The following MRPL42 variants were observed in gnomAD, a reference collection of about 807,000 sequenced individuals.
The protein encoded by MRPL42 is mitochondrial ribosomal protein L42.
MRPL42 carries 17 observed loss-of-function variants against 17.9 expected under a neutral mutation model. That is an observed-to-expected ratio of 0.95 (90% confidence interval 0.65 to 1.42). The LOEUF is 1.42. MRPL42 is among the 40% of genes most tolerant of loss of function. The pLI, the probability that MRPL42 is intolerant of heterozygous loss-of-function variation, is 0.00. For synonymous variants in MRPL42, 59 were observed against 54.4 expected, an observed-to-expected ratio of 1.08 and a Z score of -0.37; for missense variants, 177 against 175.2, an observed-to-expected ratio of 1.01 and a Z score of -0.06.
rs753787603 is a variant in MRPL42 at position 93,469,245 on chromosome 12, A to G, written c.-41A>G. The G allele has an allele frequency of 3.9e-6, 6 of 1,519,950 alleles. No homozygotes were observed. The South Asian group carries it at 6.0e-5, about 15-fold the overall frequency. The allele number at this position is 1,519,950 out of a possible 1,614,324, so 94.2% of individuals were successfully genotyped here. A position where few individuals can be genotyped will look rare whatever the true frequency, so the allele number is the denominator to read the frequency against. ...ATTCTAAAAGCAGTTTCTCTTCAGA[A>G]CATCTTTTTTCATACCACTTGATAA... On this transcript the variant is annotated 5_prime_UTR_variant, in exon 2 of 6. Transcript: ENST00000549982.
At chr12:93,489,856 A>G (rs892059209) in intron 5 of MRPL42, among the ~76,000 whole-genome samples, 4 of 152,138 alleles carry the variant, frequency 2.6e-5, no homozygotes, top group Non-Finnish European at 5.9e-5. Flanking sequence ...TTTAATACCC[A>G]CTTTGTTTAT....
At chr12:93,469,792 A>G (rs1408458341) in intron 2 of MRPL42, among the ~76,000 whole-genome samples, 1 of 152,200 alleles carries the variant, frequency 6.6e-6, no homozygotes, top group Non-Finnish European at 1.5e-5. Context: ...TCTTATTTGT[A>G]TGTTTAAAAG....
chr12:93,485,799 T>G (rs1221453312), intron 4 of MRPL42, among the ~76,000 whole-genome samples: 1 of 152,072 alleles, frequency 6.6e-6, no homozygotes, highest in Admixed American at 6.6e-5. Flanking sequence ...AGATAGTGAT[T>G]CCTTTTGTTT....
At chr12:93,490,273 T>C (rs1014998971) in intron 5 of MRPL42, among the ~76,000 whole-genome samples, 3 of 152,224 alleles carry the variant, frequency 2.0e-5, no homozygotes, top group South Asian at 2.1e-4. Flanking sequence ...TTTAATCTTA[T>C]TTACTTAATC....
At chr12:93,491,852 C>T (rs767325533) in intron 5 of MRPL42, among the ~76,000 whole-genome samples, 9 of 152,288 alleles carry the variant, frequency 5.9e-5, no homozygotes, top group Admixed American at 1.3e-4. Flanking sequence ...CCCACTTACA[C>T]GTGAGAACGT....
rs185771743 is a variant in MRPL42, at chr12:93,499,600, G to C, written c.384-1576G>C. 2.0e-4 allele frequency among the ~76,000 whole-genome samples: 30 copies of C among 152,008 alleles called. No individual in the cohort carries two copies. The East Asian group carries it at 4.8e-3, about 24-fold the overall frequency. ...ACCTTGATTATCTGGTATGTCAATG[G>C]AACCTTTTAGAAAAAAACAGAATTT... On this transcript the variant is annotated intron_variant, in intron 5 of 5. Transcript: ENST00000549982.
intron 5 of MRPL42, among the ~76,000 whole-genome samples, chr12:93,490,648 T>C (rs1323290489): frequency 1.3e-5 from 2 of 152,230 alleles, no homozygotes; most frequent in Non-Finnish European, 2.9e-5. Flanking sequence ...TGTCTGTCTA[T>C]CTGTCCATCT....
chr12:93,481,925 A>G (rs1486292145), intron 4 of MRPL42, among the ~76,000 whole-genome samples: 1 of 152,104 alleles, frequency 6.6e-6, no homozygotes, highest in Non-Finnish European at 1.5e-5. Flanking sequence ...GACTGATATC[A>G]TGGTTTATCA....
At chr12:93,492,487 G>C (rs981847366) in intron 5 of MRPL42, among the ~76,000 whole-genome samples, 1 of 151,998 alleles carries the variant, frequency 6.6e-6, no homozygotes, top group Non-Finnish European at 1.5e-5. Context: ...ATTTTTGCTT[G>C]TTGATTTAAG....
intron 5 of MRPL42, among the ~76,000 whole-genome samples, chr12:93,497,793 C>G (rs901773760): frequency 6.6e-6 from 1 of 151,584 alleles, no homozygotes; most frequent in Non-Finnish European, 1.5e-5. Context: ...CAAATAATCT[C>G]TCTTCACTGG....
rs1471162623 is a variant in MRPL42 at position 93,512,612 on chromosome 12, G to A, written c.*11391G>A. 1 of 152,454 alleles carries A rather than the reference G, an allele frequency of 6.6e-6. No individual in the cohort carries two copies. Among genetic ancestry groups the A allele is most frequent in the East Asian group, 1.9e-4 (1 of 5,202 alleles). 9.4% of individuals were successfully genotyped at this position (152,454 alleles called of 1,614,324 possible). On this transcript the variant is annotated 3_prime_UTR_variant, in exon 6 of 6. Transcript: ENST00000549982. ...TTTTAATGGCAGATAAAATCAAAGA[G>A]CAAAAGCAAAAGGTAGAAGCTTGAA... is the stretch of plus-strand genomic sequence containing the variant.
In MRPL42 at chr12:93,506,718, C is replaced by G. The variant is rs1432200396; in HGVS notation, c.*5497C>G. 1 of 152,174 alleles carries G rather than the reference C, an allele frequency of 6.6e-6. No homozygotes were observed. Among genetic ancestry groups the G allele is most frequent in the African/African-American group, 2.4e-5 (1 of 41,436 alleles). The allele number at this position is 152,174 out of a possible 1,614,324, so 9.4% of individuals were successfully genotyped here. A position where few individuals can be genotyped will look rare whatever the true frequency, so the allele number is the denominator to read the frequency against. The stretch of plus-strand genomic sequence containing the variant: ...TTGCTATGACCATCCCTTCTTTCCC[C>G]TCTAGTCAAAATTAGTCTCTTCTTC... On this transcript the variant is annotated 3_prime_UTR_variant, in exon 6 of 6. Coordinates refer to ENST00000549982, the MANE Select transcript of MRPL42 (RefSeq NM_014050.4).
At chr12:93,467,947 C>T (rs1262081416) in intron 1 of MRPL42, among the ~76,000 whole-genome samples, 2 of 152,138 alleles carry the variant, frequency 1.3e-5, no homozygotes, top group East Asian at 1.9e-4. Context: ...AATCTGACTC[C>T]CAGCAGGGCG....
Position 93,487,662 on chromosome 12 carries a change from T to C in MRPL42, c.383+2T>C, listed in dbSNP as rs764311700. 6.3e-7 allele frequency: 1 copy of C among 1,596,772 alleles called. No individual in the cohort carries two copies. The highest frequency in any genetic ancestry group is 8.5e-7 in the Non-Finnish European group (1 of 1,172,158). On this transcript the variant is annotated splice_donor_variant, in intron 5 of 5. Coordinates refer to ENST00000549982, the MANE Select transcript of MRPL42 (RefSeq NM_014050.4). LOFTEE classifies it high-confidence loss of function. ...GCACCGTTGGTATCCTCATGGACGG[T>C]AAGTTTTCTTTTCTTTTCTTCAATC... is the stretch of plus-strand genomic sequence containing the variant.
At chr12:93,467,830 A>G (rs1879706155) in intron 1 of MRPL42, among the ~76,000 whole-genome samples, 2 of 152,100 alleles carry the variant, frequency 1.3e-5, no homozygotes, top group South Asian at 4.1e-4. Context: ...TGCTCTTGGT[A>G]GCCTGTTCCT....
chr12:93,477,096 G>A lies in MRPL42; in HGVS notation c.134+79G>A, dbSNP rs72620743. On this transcript the variant is annotated intron_variant, in intron 3 of 5. Coordinates refer to ENST00000549982, the MANE Select transcript of MRPL42 (RefSeq NM_014050.4). The stretch of plus-strand genomic sequence containing the variant: ...ATTTAATTTTATTTCTTGTTTTGAT[G>A]TCTGATGCTTTCTTTTCTCATTATT... 4,362 of 1,030,278 alleles carry A rather than the reference G, an allele frequency of 4.2e-3. 234 individuals carry two copies. In the East Asian group the frequency reaches 0.1, roughly 24 times the overall value. 63.8% of individuals were successfully genotyped at this position (1,030,278 alleles called of 1,614,324 possible).
chr12:93,494,652 G>A (rs1174817679), intron 5 of MRPL42, among the ~76,000 whole-genome samples: 1 of 152,108 alleles, frequency 6.6e-6, no homozygotes, highest in Non-Finnish European at 1.5e-5. Flanking sequence ...GAGGTCAAGG[G>A]ACAGGTCTTG....
chr12:93,498,198 T>C (rs865834559), intron 5 of MRPL42, among the ~76,000 whole-genome samples: 1 of 812 alleles, frequency 1.2e-3, no homozygotes, highest in Admixed American at 0.014. Flanking sequence ...TACTACAGAA[T>C]CATTAGGATC....
intron 5 of MRPL42, among the ~76,000 whole-genome samples, chr12:93,500,217 T>C (rs1275285891): frequency 6.6e-6 from 1 of 152,228 alleles, no homozygotes; most frequent in Non-Finnish European, 1.5e-5. Context: ...TGTTCTTCCT[T>C]AATATTTTAA....
Sources: gnomAD v4.1 joint callset for allele counts (sites outside exome capture counted in the v4.1 genomes callset) on GRCh38, gnomAD v4.1.1 for gene constraint, MANE v1.5 for transcripts, NCBI Gene and HGNC (gene_info 2026-07-23, HGNC 2026-07-21) for gene names.